The following CDH17 variants were observed in gnomAD, a reference collection of about 807,000 sequenced individuals.
CDH17 encodes the protein cadherin 17.
A neutral mutation model predicts 86.3 loss-of-function variants in CDH17; 67 were observed. The ratio of observed to expected loss-of-function variants is 0.78; its 90% CI spans 0.64 to 0.95. CDH17 has a LOEUF of 0.95. CDH17 is among the 40% of genes least tolerant of loss of function. The probability of loss-of-function intolerance (pLI) is 0.00; values close to 1 mark genes in which losing one functional copy is unlikely to be tolerated. For synonymous variants in CDH17, 367 were observed against 366.4 expected (o/e 1.00, Z -0.02); for missense variants, 993 against 1,017.6 (o/e 0.98, Z 0.33).
chr8:94,197,247 G>C (rs1813802252), intron 1 of CDH17: 4 of 152,546 alleles, frequency 2.6e-5, no homozygotes, highest in Admixed American at 2.6e-4. Flanking sequence ...GCTGAGGTGG[G>C]AGGATCACTT....
At chr8:94,168,135 TATATATATATATATATATATA>T (rs1813197704) in intron 9 of CDH17, among the ~76,000 whole-genome samples, 1 of 107,574 alleles carries the variant, frequency 9.3e-6, no homozygotes, top group African/African-American at 3.9e-5. Context: ...TATATATATA[TATATATATATATATATATATA>T]TTTGTGTGTG....
chr8:94,210,931 G>A (rs1814112296), upstream of CDH17, among the ~76,000 whole-genome samples: 1 of 147,850 alleles, frequency 6.8e-6, no homozygotes, highest in Non-Finnish European at 1.5e-5. Flanking sequence ...TGACTCAGGA[G>A]AATCATTTGA....
In CDH17 at chr8:94,177,635, A is replaced by G. The variant is rs1813400678; in HGVS notation, c.237T>C (p.Tyr79=). The change falls in exon 4 of 18, where the codon TAT becomes TAC. Residue 79 remains tyrosine, a synonymous_variant. Transcript: ENST00000027335. ...TTTCCCTGTCCAAGGCTCTGTTGTA[A>G]TACAGAAGTCCCTCCCGTTCTATCA... is the stretch of plus-strand genomic sequence containing the variant. ...IFVIEREGLL[Y]YNRALDRETR... The G allele has an allele frequency of 1.2e-6, 2 of 1,613,544 alleles. No individual in the cohort carries two copies. The highest frequency in any genetic ancestry group is 1.7e-5 in the Admixed American group (1 of 59,984).
chr8:94,133,111 G>A (rs1774645400), intron 15 of CDH17, among the ~76,000 whole-genome samples: 1 of 152,130 alleles, frequency 6.6e-6, no homozygotes, highest in Non-Finnish European at 1.5e-5. Context: ...GACACCTCCA[G>A]CATTGTTCTT....
At chr8:94,141,815 A>T (rs936686213) in intron 15 of CDH17, among the ~76,000 whole-genome samples, 1 of 152,198 alleles carries the variant, frequency 6.6e-6, no homozygotes, top group Non-Finnish European at 1.5e-5. Context: ...CAGTAGATTC[A>T]ATACAATCTC....
chr8:94,209,768 T>A (rs926349384), upstream of CDH17, among the ~76,000 whole-genome samples: 3 of 152,188 alleles, frequency 2.0e-5, no homozygotes, highest in African/African-American at 7.2e-5. Flanking sequence ...CTGAATAAAG[T>A]GTGCTTGTTC....
chr8:94,160,999 T>C (rs2085749362), intron 11 of CDH17, among the ~76,000 whole-genome samples: 1 of 152,096 alleles, frequency 6.6e-6, no homozygotes, highest in Admixed American at 6.6e-5. Flanking sequence ...CCAGATTATC[T>C]CTCTTGGCAT....
rs1312812605 is a variant in CDH17, at chr8:94,165,960, G to C, written c.1083C>G (p.Thr361=). The C allele has an allele frequency of 1.9e-6, 3 of 1,611,828 alleles. No homozygotes were observed. Among genetic ancestry groups the C allele is most frequent in the Admixed American group, 1.7e-5 (1 of 59,986 alleles). ...ENERLGNSIG[T]LTAHDRDEEN... ...CTTCATCCCTGTCATGTGCAGTAAG[G>C]GTCCCGATACTGTTACCTATGAGGA... Residue 361 remains threonine (T), a synonymous_variant, in exon 10 of 18, where the codon ACC becomes ACG. Coordinates refer to ENST00000027335, the MANE Select transcript of CDH17 (RefSeq NM_004063.4).
rs181725494 is a variant in CDH17 at position 94,160,908 on chromosome 8, T to C, written c.1360-746A>G. On this transcript the variant is annotated intron_variant, in intron 11 of 17. Coordinates refer to ENST00000027335, the MANE Select transcript of CDH17 (RefSeq NM_004063.4). Reference sequence around the variant, plus strand: ...AGCTAGTGGGTCAAAGGGATTGGGATTCAAAGCCATGTTTGTGCAACTCCA... The same window carrying C: ...AGCTAGTGGGTCAAAGGGATTGGGACTCAAAGCCATGTTTGTGCAACTCCA... 3.9e-5 allele frequency among the ~76,000 whole-genome samples: 6 copies of C among 152,310 alleles called. No homozygotes were observed. In the East Asian group the frequency reaches 1.2e-3, roughly 29 times the overall value.
intron 1 of CDH17, among the ~76,000 whole-genome samples, chr8:94,203,830 G>T (rs879755767): frequency 6.6e-6 from 1 of 152,148 alleles, no homozygotes; most frequent in Admixed American, 6.5e-5. Context: ...GGAAGACAGG[G>T]AAGAAGGAAG....
chr8:94,187,824 A>G (rs1024422114), intron 3 of CDH17, among the ~76,000 whole-genome samples: 2 of 151,858 alleles, frequency 1.3e-5, no homozygotes, highest in African/African-American at 4.8e-5. Flanking sequence ...TTCCTCACCA[A>G]GTTAATTCCC....
At chr8:94,191,763 C>T (rs920358830) in intron 2 of CDH17, among the ~76,000 whole-genome samples, 1 of 152,174 alleles carries the variant, frequency 6.6e-6, no homozygotes, top group Non-Finnish European at 1.5e-5. Flanking sequence ...CAAGAAAATG[C>T]ATCCTTAACT....
rs201286542 is a variant in CDH17 at position 94,189,162 on chromosome 8, G to A, written c.150+25C>T. 1.2e-3 allele frequency: 1,818 copies of A among 1,499,644 alleles called. 41 individuals carry two copies. In the South Asian group the frequency reaches 0.015, roughly 12 times the overall value. 92.9% of individuals were successfully genotyped at this position (1,499,644 alleles called of 1,614,324 possible). On this transcript the variant is annotated intron_variant, in intron 3 of 17. Coordinates refer to ENST00000027335, the MANE Select transcript of CDH17 (RefSeq NM_004063.4). Reference sequence around the variant, plus strand: ...CCAAGAGAGCATACAAAATCAAGAGGACAGTGATCAAGGGTAGCTTTTACC... The same window carrying A: ...CCAAGAGAGCATACAAAATCAAGAGAACAGTGATCAAGGGTAGCTTTTACC...
intron 1 of CDH17, among the ~76,000 whole-genome samples, chr8:94,207,599 G>T (rs1814054699): frequency 6.6e-6 from 1 of 152,112 alleles, no homozygotes. Flanking sequence ...CTAAACATGT[G>T]TTTTTTCTTC....
At chr8:94,209,662 T>C (rs1261171174), upstream of CDH17, among the ~76,000 whole-genome samples, 1 of 152,180 alleles carries the variant, frequency 6.6e-6, no homozygotes, top group Non-Finnish European at 1.5e-5. Context: ...AAGGCCCTTC[T>C]TGCTTTGTCC....
At chr8:94,166,804 G>A (rs916861274) in intron 9 of CDH17, among the ~76,000 whole-genome samples, 3 of 152,154 alleles carry the variant, frequency 2.0e-5, no homozygotes, top group Non-Finnish European at 4.4e-5. Context: ...GCCAGAAGTT[G>A]GAGATAGGCT....
intron 15 of CDH17, among the ~76,000 whole-genome samples, chr8:94,132,517 G>A (rs571235972): frequency 1.1e-4 from 17 of 152,162 alleles, no homozygotes; most frequent in South Asian, 2.1e-4. Flanking sequence ...TGATGGGGTC[G>A]TTTTTTTCTT....
intron 15 of CDH17, among the ~76,000 whole-genome samples, chr8:94,137,345 G>A (rs1586232369): frequency 6.6e-6 from 1 of 152,180 alleles, no homozygotes; most frequent in Non-Finnish European, 1.5e-5. Context: ...CCTCAGCAAT[G>A]GTGGATGCCC....
In CDH17 at chr8:94,194,700, A is replaced by G. The variant is rs754872942; in HGVS notation, c.-15T>C. The G allele has an allele frequency of 1.3e-6, 2 of 1,580,328 alleles. No homozygotes were observed. Among genetic ancestry groups the G allele is most frequent in the Non-Finnish European group, 1.7e-6 (2 of 1,155,476 alleles). Reference sequence around the variant, plus strand: ...TGAAGTATCATAGTTTTCTTTATTCAAATTCCTGTGAAGGAACCAGATAAA... The same window carrying G: ...TGAAGTATCATAGTTTTCTTTATTCGAATTCCTGTGAAGGAACCAGATAAA... On this transcript the variant is annotated 5_prime_UTR_variant, in exon 2 of 18. Transcript: ENST00000027335.
Sources: gnomAD v4.1 joint callset for allele counts (sites outside exome capture counted in the v4.1 genomes callset) on GRCh38, gnomAD v4.1.1 for gene constraint, MANE v1.5 for transcripts, NCBI Gene and HGNC (gene_info 2026-07-23, HGNC 2026-07-21) for gene names.